CERS6: variants seen among roughly 807,000 people sequenced by gnomAD.
The protein encoded by CERS6 is ceramide synthase 6.
CERS6 carries 26 observed loss-of-function variants against 56.8 expected under a neutral mutation model. The ratio of observed to expected loss-of-function variants is 0.46; its 90% CI spans 0.34 to 0.63. The LOEUF (loss-of-function observed/expected upper bound fraction) is 0.63, where lower values mean the gene tolerates loss of function less well. Ranked by LOEUF, CERS6 falls within the 30% of genes least tolerant of loss-of-function variation. CERS6 has a pLI of 0.01. For synonymous variants in CERS6, 164 were observed against 173.3 expected, an observed-to-expected ratio of 0.95 and a Z score of 0.42; for missense variants, 415 against 467.5, an observed-to-expected ratio of 0.89 and a Z score of 1.04.
In CERS6 at chr2:168,645,618, A is replaced by G. The variant is rs75197670; in HGVS notation, c.465+14576A>G. ...ACTCATTATCACAGGGGTTTGTTGT[A>G]TAGATTATTTCATCACCCAGGTATT... is the stretch of plus-strand genomic sequence containing the variant. On this transcript the variant is annotated intron_variant, in intron 4 of 9. Coordinates refer to ENST00000305747, the MANE Select transcript of CERS6 (RefSeq NM_203463.3). 6.1e-3 allele frequency among the ~76,000 whole-genome samples: 935 copies of G among 152,068 alleles called. 10 individuals carry two copies. Among genetic ancestry groups the G allele is most frequent in the African/African-American group, 0.021 (891 of 41,482 alleles).
At chr2:168,666,798 C>T (rs532124952) in intron 4 of CERS6, among the ~76,000 whole-genome samples, 1 of 152,302 alleles carries the variant, frequency 6.6e-6, no homozygotes, top group East Asian at 1.9e-4. Flanking sequence ...AGGTTCTCCT[C>T]TCTTGGAGTC....
At chr2:168,537,295 G>A (rs1695281501) in intron 1 of CERS6, among the ~76,000 whole-genome samples, 1 of 152,146 alleles carries the variant, frequency 6.6e-6, no homozygotes, top group South Asian at 2.1e-4. Flanking sequence ...GCAGATAATT[G>A]TGCGTGAAAA....
rs376980370 is a variant in CERS6, at chr2:168,528,974, CTA to C, written c.171-18617_171-18616del. The stretch of plus-strand genomic sequence containing the variant: ...TGCCATCATCAGACTTGATCTCTGT[CTA>C]TATAAAGGAGTTTGCTGGGACCATA... On this transcript the variant is annotated intron_variant, in intron 1 of 9. Coordinates refer to ENST00000305747, the MANE Select transcript of CERS6 (RefSeq NM_203463.3). Among the ~76,000 whole-genome samples the C allele has an allele frequency of 3.7e-3, 558 of 152,222 alleles. 2 individuals carry two copies. The highest frequency in any genetic ancestry group is 0.013 in the African/African-American group (544 of 41,536).
In CERS6 at chr2:168,535,678, T is replaced by TG. The variant is rs200895266; in HGVS notation, c.171-11918_171-11917insG. 1.5e-3 allele frequency among the ~76,000 whole-genome samples: 226 copies of TG among 150,702 alleles called. 1 individual carries two copies. The highest frequency in any genetic ancestry group is 5.2e-3 in the African/African-American group (212 of 41,018). ...CAATGTTTTGATACCAGTTTTTTTT[T>TG]TTTTTTTTTTGAATGAGGATGACCA... On this transcript the variant is annotated intron_variant, in intron 1 of 9. Transcript: ENST00000305747.
intron 1 of CERS6, among the ~76,000 whole-genome samples, chr2:168,490,842 G>C (rs923045929): frequency 3.3e-5 from 5 of 151,224 alleles, no homozygotes; most frequent in African/African-American, 1.2e-4. Context: ...TATGATGATA[G>C]TGTGTATAAT....
At chr2:168,466,667 T>TTTTCTTC (rs1301845401) in intron 1 of CERS6, among the ~76,000 whole-genome samples, 1 of 152,240 alleles carries the variant, frequency 6.6e-6, no homozygotes, top group African/African-American at 2.4e-5. Context: ...GCAGTGCTGT[T>TTTTCTTC]TTTCTTCTTT....
intron 1 of CERS6, among the ~76,000 whole-genome samples, chr2:168,528,057 A>T (rs751341295): frequency 6.6e-6 from 1 of 152,060 alleles, no homozygotes; most frequent in African/African-American, 2.4e-5. Flanking sequence ...TAACCCATTC[A>T]TGAAGGTAGT....
chr2:168,520,626 T>TTTTTTTTTTTTTTTTTTTA (rs1694961398), intron 1 of CERS6, among the ~76,000 whole-genome samples: 1 of 93,230 alleles, frequency 1.1e-5, no homozygotes, highest in Non-Finnish European at 2.3e-5. Flanking sequence ...TTTTTTTTTT[T>TTTTTTTTTTTTTTTTTTTA]TGAGAAGCAG....
chr2:168,740,582 C>T (rs1240788317), intron 8 of CERS6, among the ~76,000 whole-genome samples: 3 of 152,214 alleles, frequency 2.0e-5, no homozygotes, highest in Non-Finnish European at 4.4e-5. Flanking sequence ...TCAGGCAATG[C>T]TTCTTCCCTG....
At chr2:168,547,390 T>G (rs1325830662) in intron 1 of CERS6, among the ~76,000 whole-genome samples, 1 of 152,210 alleles carries the variant, frequency 6.6e-6, no homozygotes, top group Non-Finnish European at 1.5e-5. Flanking sequence ...AAGGATTTCT[T>G]TTTTAATGTT....
chr2:168,744,257 G>A (rs939465525), intron 8 of CERS6, among the ~76,000 whole-genome samples: 3 of 151,892 alleles, frequency 2.0e-5, no homozygotes, highest in South Asian at 4.2e-4. Flanking sequence ...CGCCCACCTC[G>A]GCCTCCCAAA....
At position 168,756,724 on chromosome 2, in the gene CERS6, G is replaced by A. The variant is rs532306265; in HGVS notation, c.846-8868G>A. Among the ~76,000 whole-genome samples, 101 of 152,258 alleles carry A rather than the reference G, an allele frequency of 6.6e-4. 2 individuals carry two copies. The South Asian group carries it at 0.019, about 29-fold the overall frequency. On this transcript the variant is annotated intron_variant, in intron 8 of 9. Coordinates refer to ENST00000305747, the MANE Select transcript of CERS6 (RefSeq NM_203463.3). ...ACGGATCGGCTCTGAGCATAAGCCT[G>A]GGTGAAGAACGGAGAAAGGGATGGG...
chr2:168,767,725 A>G (rs1314619562), intron 9 of CERS6, among the ~76,000 whole-genome samples: 2 of 152,190 alleles, frequency 1.3e-5, no homozygotes, highest in African/African-American at 4.8e-5. Context: ...TCAAGTTGGG[A>G]GAGGTGGAGG....
chr2:168,765,442 TC>T, intron 8 of CERS6, 149 bp from the exon 9 acceptor site: 4 of 631,998 alleles, frequency 6.3e-6, no homozygotes, highest in Non-Finnish European at 7.5e-6. Context: ...AAATGACATT[TC>T]TAAGTACCTG....
At chr2:168,543,803 A>G (rs546929773) in intron 1 of CERS6, among the ~76,000 whole-genome samples, 1 of 152,230 alleles carries the variant, frequency 6.6e-6, no homozygotes, top group Non-Finnish European at 1.5e-5. Flanking sequence ...AGGGGTTGGT[A>G]AAGCCTACGC....
intron 8 of CERS6, among the ~76,000 whole-genome samples, chr2:168,721,117 C>A (rs1234177082): frequency 6.6e-6 from 1 of 152,154 alleles, no homozygotes; most frequent in Non-Finnish European, 1.5e-5. Flanking sequence ...CCTCATTCTT[C>A]CCTCGTACCA....
intron 8 of CERS6, among the ~76,000 whole-genome samples, chr2:168,730,249 C>T (rs559444166): frequency 5.3e-5 from 8 of 152,286 alleles, no homozygotes; most frequent in African/African-American, 1.9e-4. Context: ...TTATCCACAG[C>T]TGGTCATAAA....
chr2:168,665,952 CTGTGTGTGTGTG>C (rs58913968), intron 4 of CERS6, among the ~76,000 whole-genome samples: 23 of 143,288 alleles, frequency 1.6e-4, no homozygotes, highest in East Asian at 4.1e-4. Context: ...AATTAGTAGA[CTGTGTGTGTGTG>C]TGTGTGTGTG....
chr2:168,712,705 G>A (rs1045698846), intron 6 of CERS6, among the ~76,000 whole-genome samples: 14 of 152,106 alleles, frequency 9.2e-5, no homozygotes, highest in Non-Finnish European at 1.8e-4. Context: ...GCTTCTACAC[G>A]TCTCTGCTTC....
Sources: allele counts gnomAD v4.1 joint callset (sites outside exome capture counted in the v4.1 genomes callset), GRCh38; gene constraint gnomAD v4.1.1; transcripts MANE v1.5; gene names NCBI Gene and HGNC (gene_info 2026-07-23, HGNC 2026-07-21).